GDPD5: variants seen among roughly 807,000 people sequenced by gnomAD.
GDPD5 encodes glycerophosphodiester phosphodiesterase domain containing 5.
GDPD5 carries 48 observed loss-of-function variants against 75.1 expected under a neutral mutation model. The observed-to-expected ratio is 0.64, with a 90% CI of 0.51 to 0.81. The LOEUF is 0.81. GDPD5 is among the 40% of genes least tolerant of loss of function. The pLI, the probability that GDPD5 is intolerant of heterozygous loss-of-function variation, is 0.00. For synonymous variants in GDPD5, 336 were observed against 339.0 expected (o/e 0.99, Z 0.10); for missense variants, 706 against 822.6 (o/e 0.86, Z 1.73).
chr11:75,510,027 T>C (rs968559652), intron 1 of GDPD5, among the ~76,000 whole-genome samples: 8 of 152,230 alleles, frequency 5.3e-5, no homozygotes, highest in African/African-American at 1.9e-4. Flanking sequence ...CGTGCTAAGC[T>C]GCAGCATGCG....
chr11:75,439,414 C>G, intron 15 of GDPD5: 1 of 453,854 alleles, frequency 2.2e-6, no homozygotes, highest in Non-Finnish European at 4.4e-6. Flanking sequence ...GGACATGCGC[C>G]GATCAGAGCA....
In GDPD5 at chr11:75,461,467, G is replaced by A. The variant is rs141386425; in HGVS notation, c.221+1319C>T. Reference sequence around the variant, plus strand: ...AGAGAGGCACAGCCTGGTGCCATACGGGGAAAAGTGGACACCCAGCTCCAT... The same window carrying A: ...AGAGAGGCACAGCCTGGTGCCATACAGGGAAAAGTGGACACCCAGCTCCAT... On this transcript the variant is annotated intron_variant, in intron 4 of 16. Coordinates refer to ENST00000336898, the MANE Select transcript of GDPD5 (RefSeq NM_030792.8). Among the ~76,000 whole-genome samples the A allele has an allele frequency of 2.4e-3, 370 of 152,308 alleles. 4 individuals are homozygous for A. Among genetic ancestry groups the A allele is most frequent in the Middle Eastern group, 3.4e-3 (1 of 294 alleles).
intron 1 of GDPD5, among the ~76,000 whole-genome samples, chr11:75,498,844 G>GCTTTATCTCCTAT (rs11267588): frequency 1.3e-5 from 2 of 151,934 alleles, no homozygotes; most frequent in Non-Finnish European, 2.9e-5. Flanking sequence ...CACCTTACAT[G>GCTTTATCTCCTAT]AGTCTGTTGA....
intron 3 of GDPD5, among the ~76,000 whole-genome samples, chr11:75,475,803 G>GCCCCTGCTA (rs1949766263): frequency 6.6e-6 from 1 of 152,140 alleles, no homozygotes; most frequent in Non-Finnish European, 1.5e-5. Flanking sequence ...GCCCCCTGCT[G>GCCCCTGCTA]CCCCTCCAGC....
intron 2 of GDPD5, chr11:75,479,493 G>A (rs566069354): frequency 6.6e-6 from 1 of 152,316 alleles, no homozygotes; most frequent in East Asian, 1.9e-4. Context: ...GCAGCCCTAG[G>A]AAGGAAGGAA....
chr11:75,468,862 T>C (rs936365326), intron 3 of GDPD5, among the ~76,000 whole-genome samples: 2 of 152,252 alleles, frequency 1.3e-5, no homozygotes, highest in Non-Finnish European at 2.9e-5. Flanking sequence ...ACCGGCTGTG[T>C]GGCTGTAGGC....
At chr11:75,510,109 G>A (rs1025391420) in intron 1 of GDPD5, among the ~76,000 whole-genome samples, 1 of 152,238 alleles carries the variant, frequency 6.6e-6, no homozygotes, top group Non-Finnish European at 1.5e-5. Flanking sequence ...GCCAACTGCT[G>A]AAGGGAGAAA....
In GDPD5 at chr11:75,483,149, T is replaced by C. The variant is rs546513630; in HGVS notation, c.-60-5354A>G. 1.1e-4 allele frequency among the ~76,000 whole-genome samples: 16 copies of C among 152,236 alleles called. 1 individual carries two copies. The highest frequency in any genetic ancestry group is 3.6e-4 in the African/African-American group (15 of 41,520). ...CCAAGCTACGTCCCAGGGCTGCTGA[T>C]ACCAGCCAAGTTCCCAAGAAATCCC... On this transcript the variant is annotated intron_variant, in intron 2 of 16. Transcript: ENST00000336898.
intron 1 of GDPD5, among the ~76,000 whole-genome samples, chr11:75,501,428 G>T (rs755738169): frequency 2.0e-5 from 3 of 152,246 alleles, no homozygotes; most frequent in African/African-American, 7.2e-5. Context: ...GCACACTGGC[G>T]CAAGCATACA....
chr11:75,495,123 C>T (rs1025024080), intron 1 of GDPD5, among the ~76,000 whole-genome samples: 3 of 151,664 alleles, frequency 2.0e-5, no homozygotes, highest in Non-Finnish European at 4.4e-5. Flanking sequence ...AAAAATTAGC[C>T]GGGTGTGATG....
intron 9 of GDPD5, among the ~76,000 whole-genome samples, chr11:75,445,515 C>G (rs1271398785): frequency 6.6e-6 from 1 of 152,180 alleles, no homozygotes; most frequent in African/African-American, 2.4e-5. Context: ...GGGTCAGCAC[C>G]AAACCAAGGA....
chr11:75,456,851 G>A (rs751414831), intron 5 of GDPD5, 35 bp from the exon 6 acceptor site: 12 of 1,602,858 alleles, frequency 7.5e-6, no homozygotes, highest in Admixed American at 1.7e-5. Flanking sequence ...TGTCAGGCCC[G>A]TGTGGGCGGG....
chr11:75,486,861 G>A (rs1950029166), intron 2 of GDPD5, among the ~76,000 whole-genome samples: 1 of 152,214 alleles, frequency 6.6e-6, no homozygotes, highest in South Asian at 2.1e-4. Context: ...CAGCACAAAG[G>A]GGAGAAGGAA....
intron 2 of GDPD5, among the ~76,000 whole-genome samples, chr11:75,478,923 A>C (rs1355173090): frequency 6.6e-6 from 1 of 152,196 alleles, no homozygotes; most frequent in African/African-American, 2.4e-5. Context: ...GACTGTAGTC[A>C]ATCTAGGAAC....
At chr11:75,499,394 CTTTTTTTTTTT>C (rs376714511) in intron 1 of GDPD5, among the ~76,000 whole-genome samples, 17 of 45,324 alleles carry the variant, frequency 3.8e-4, no homozygotes, top group African/African-American at 6.6e-4. Context: ...TCTTCTTTTC[CTTTTTTTTTTT>C]TTTTTTTTTT....
intron 4 of GDPD5, among the ~76,000 whole-genome samples, chr11:75,458,468 C>G (rs1488329263): frequency 1.3e-5 from 2 of 152,032 alleles, no homozygotes; most frequent in African/African-American, 4.8e-5. Flanking sequence ...GTCAGGAGAT[C>G]GAGACCATCC....
At position 75,435,546 on chromosome 11, in the gene GDPD5, GCCA is replaced by G; in HGVS notation, c.1776_1778del (p.Gly593del). On this transcript the variant is annotated inframe_deletion, in exon 17 of 17. Coordinates refer to ENST00000336898, the MANE Select transcript of GDPD5 (RefSeq NM_030792.8). Reference sequence around the variant, plus strand: ...GCTCTATGAGGGTCTTGGTGTGGCTGCCACCCCCTCGGGGGCCCACAGGGGTGG... The same window carrying G: ...GCTCTATGAGGGTCTTGGTGTGGCTGCCCCCTCGGGGGCCCACAGGGGTGG... 6.2e-7 allele frequency: 1 copy of G among 1,612,576 alleles called. No individual in the cohort carries two copies. Among genetic ancestry groups the G allele is most frequent in the Non-Finnish European group, 8.5e-7 (1 of 1,179,378 alleles).
intron 6 of GDPD5, chr11:75,450,940 T>G (rs1197753260): frequency 1.3e-5 from 2 of 152,400 alleles, no homozygotes; most frequent in Non-Finnish European, 2.9e-5. Flanking sequence ...CCCATCTCCC[T>G]CCAAAGGCCT....
chr11:75,501,272 C>T (rs1950300072), intron 1 of GDPD5, among the ~76,000 whole-genome samples: 2 of 152,238 alleles, frequency 1.3e-5, no homozygotes, highest in Non-Finnish European at 2.9e-5. Flanking sequence ...CCTAACCTGA[C>T]TGCCATTTAT....
Sources: gnomAD v4.1 joint callset for allele counts (sites outside exome capture counted in the v4.1 genomes callset) on GRCh38, gnomAD v4.1.1 for gene constraint, MANE v1.5 for transcripts, NCBI Gene and HGNC (gene_info 2026-07-23, HGNC 2026-07-21) for gene names.